The following CDK14 variants were observed in gnomAD, a reference collection of about 807,000 sequenced individuals.
The protein encoded by CDK14 is cyclin dependent kinase 14.
A neutral mutation model predicts 60.7 loss-of-function variants in CDK14; 34 were observed. The ratio of observed to expected loss-of-function variants is 0.56; its 90% CI spans 0.43 to 0.75. The LOEUF (loss-of-function observed/expected upper bound fraction) is 0.75. Among genes scored for constraint, CDK14 ranks in the 30% least tolerant of loss-of-function variants. The probability of loss-of-function intolerance (pLI) is 0.00; values close to 1 mark genes in which losing one functional copy is unlikely to be tolerated. For missense variants in CDK14, 482 were observed against 564.1 expected (o/e 0.85, Z 1.47); for synonymous variants, 197 against 203.7 (o/e 0.97, Z 0.28).
At chr7:91,016,855 G>C (rs530931113) in intron 10 of CDK14, among the ~76,000 whole-genome samples, 1 of 152,074 alleles carries the variant, frequency 6.6e-6, no homozygotes, top group Non-Finnish European at 1.5e-5. Context: ...TAGTAACTTC[G>C]CATACACCAG....
At chr7:90,827,213 T>C (rs556492345) in intron 5 of CDK14, among the ~76,000 whole-genome samples, 101 of 152,338 alleles carry the variant, frequency 6.6e-4, no homozygotes, top group African/African-American at 2.3e-3. Flanking sequence ...GTATAGCCTT[T>C]TCCTATTGGC....
chr7:91,028,005 G>C (rs1303586163), intron 10 of CDK14, among the ~76,000 whole-genome samples: 5 of 123,614 alleles, frequency 4.0e-5, no homozygotes, highest in Non-Finnish European at 6.9e-5. Flanking sequence ...ATAGTGTGCA[G>C]TGTATCCAAT....
At chr7:90,898,063 C>G (rs1249672098) in intron 6 of CDK14, among the ~76,000 whole-genome samples, 1 of 152,068 alleles carries the variant, frequency 6.6e-6, no homozygotes, top group Non-Finnish European at 1.5e-5. Context: ...TCATTCTCTA[C>G]TCATGTCTTA....
intron 8 of CDK14, among the ~76,000 whole-genome samples, chr7:90,925,719 A>G (rs1380564176): frequency 6.6e-6 from 1 of 151,120 alleles, no homozygotes; most frequent in Non-Finnish European, 1.5e-5. Context: ...AAAATAAATA[A>G]ATAATGACAT....
rs1203894333 is a variant in CDK14 at position 90,651,960 on chromosome 7, A to C, written c.123+47711A>C. 8.5e-5 allele frequency among the ~76,000 whole-genome samples: 13 copies of C among 152,124 alleles called. 1 individual carries two copies. The highest frequency in any genetic ancestry group is 8.5e-4 in the Admixed American group (13 of 15,274). Reference sequence around the variant, plus strand: ...GCATACACTGTATAATTTTGGCTTTACCAGTTCCTGCTTGCCTGAGTGCCT... The same window carrying C: ...GCATACACTGTATAATTTTGGCTTTCCCAGTTCCTGCTTGCCTGAGTGCCT... On this transcript the variant is annotated intron_variant, in intron 2 of 14. Transcript: ENST00000380050.
At position 90,649,248 on chromosome 7, in the gene CDK14, C is replaced by CTTTCTTTCTTTCTTTGTTTCTTTG. The variant is rs1563029615; in HGVS notation, c.123+45014_123+45015insGTTTCTTTGTTTCTTTCTTTCTTT. ...GCTCTAGCCTATAGTTTCTTTCTTT[C>CTTTCTTTCTTTCTTTGTTTCTTTG]TTTCTTTCTTTCTTTCTTTCTTTCT... On this transcript the variant is annotated intron_variant, in intron 2 of 14. Coordinates refer to ENST00000380050, the MANE Select transcript of CDK14 (RefSeq NM_001287135.2). 1.6e-3 allele frequency among the ~76,000 whole-genome samples: 40 copies of CTTTCTTTCTTTCTTTGTTTCTTTG among 25,176 alleles called. 1 individual carries two copies. Among genetic ancestry groups the CTTTCTTTCTTTCTTTGTTTCTTTG allele is most frequent in the South Asian group, 5.6e-3 (4 of 708 alleles). 16.5% of individuals were successfully genotyped at this position (25,176 alleles called of 152,430 possible). A position where few individuals can be genotyped will look rare whatever the true frequency, so the allele number is the denominator to read the frequency against.
intron 7 of CDK14, among the ~76,000 whole-genome samples, chr7:90,913,467 C>T (rs1427627440): frequency 6.6e-6 from 1 of 152,154 alleles, no homozygotes; most frequent in Non-Finnish European, 1.5e-5. Flanking sequence ...TGAGAAAAGG[C>T]ACAAACTTAT....
chr7:91,073,416 A>C (rs1294324243), intron 11 of CDK14, among the ~76,000 whole-genome samples: 1 of 152,214 alleles, frequency 6.6e-6, no homozygotes, highest in African/African-American at 2.4e-5. Flanking sequence ...TTCATAAATG[A>C]AGGAGAAATA....
At chr7:90,605,905 G>A (rs6978099) in intron 2 of CDK14, among the ~76,000 whole-genome samples, 144,129 of 152,262 alleles carry the variant, frequency 0.95, 68,252 homozygotes, top group East Asian at 1. Flanking sequence ...GCTTTAAAAA[G>A]CACCTGAGGC....
At chr7:90,714,252 C>A (rs1262977815) in intron 2 of CDK14, among the ~76,000 whole-genome samples, 1 of 152,016 alleles carries the variant, frequency 6.6e-6, no homozygotes, top group Non-Finnish European at 1.5e-5. Flanking sequence ...CACATTTGCC[C>A]CAGCAGCTTA....
chr7:91,103,000 TC>T (rs1799187456), intron 12 of CDK14, among the ~76,000 whole-genome samples: 1 of 152,164 alleles, frequency 6.6e-6, no homozygotes, highest in Admixed American at 6.5e-5. Context: ...ACACCTATAA[TC>T]CCAGCACTTT....
chr7:90,970,352 T>C lies in CDK14; in HGVS notation c.948-13796T>C, dbSNP rs114943065. On this transcript the variant is annotated intron_variant, in intron 9 of 14. Coordinates refer to ENST00000380050, the MANE Select transcript of CDK14 (RefSeq NM_001287135.2). ...GTAGACTTCAATTTTATAGGATAGT[T>C]TTACTGTGTTCTTTGCCAAAGCCTC... 3.1e-3 allele frequency among the ~76,000 whole-genome samples: 476 copies of C among 152,310 alleles called. 5 individuals are homozygous for C. Among genetic ancestry groups the C allele is most frequent in the African/African-American group, 0.011 (459 of 41,580 alleles).
intron 6 of CDK14, among the ~76,000 whole-genome samples, chr7:90,863,859 CAT>C (rs1791091293): frequency 6.6e-6 from 1 of 152,064 alleles, no homozygotes; most frequent in Non-Finnish European, 1.5e-5. Context: ...GACTTGAACT[CAT>C]AATTAATTCT....
intron 2 of CDK14, among the ~76,000 whole-genome samples, chr7:90,658,160 A>G (rs1800788678): frequency 6.6e-6 from 1 of 152,202 alleles, no homozygotes; most frequent in Non-Finnish European, 1.5e-5. Context: ...AGATTTCTCT[A>G]TTCCAGAGAT....
At chr7:91,044,718 C>T (rs1252490859) in intron 10 of CDK14, among the ~76,000 whole-genome samples, 1 of 152,136 alleles carries the variant, frequency 6.6e-6, no homozygotes, top group Non-Finnish European at 1.5e-5. Flanking sequence ...TTCTCCTCTG[C>T]TGGTTTCCAG....
chr7:91,023,142 G>A (rs964168829), intron 10 of CDK14, among the ~76,000 whole-genome samples: 6 of 152,104 alleles, frequency 3.9e-5, no homozygotes, highest in African/African-American at 9.7e-5. Flanking sequence ...CCACCATGAT[G>A]ATGTATTTTT....
chr7:91,174,123 C>A (rs1350769444), intron 14 of CDK14, among the ~76,000 whole-genome samples: 2 of 151,840 alleles, frequency 1.3e-5, no homozygotes, highest in Admixed American at 6.6e-5. Flanking sequence ...AACGGGCAGA[C>A]TGCCTCCTCA....
At chr7:91,142,047 A>G (rs1445946876) in intron 14 of CDK14, among the ~76,000 whole-genome samples, 1 of 151,964 alleles carries the variant, frequency 6.6e-6, no homozygotes, top group Non-Finnish European at 1.5e-5. Context: ...GACGGTCTCA[A>G]TCTCCTGACC....
At chr7:90,649,513 A>G (rs1273112227) in intron 2 of CDK14, among the ~76,000 whole-genome samples, 1 of 144,858 alleles carries the variant, frequency 6.9e-6, no homozygotes, top group Non-Finnish European at 1.5e-5. Context: ...CACAACATGC[A>G]GGTTTGTTAC....
Sources: gnomAD v4.1 joint callset for allele counts (sites outside exome capture counted in the v4.1 genomes callset) on GRCh38, gnomAD v4.1.1 for gene constraint, MANE v1.5 for transcripts, NCBI Gene and HGNC (gene_info 2026-07-23, HGNC 2026-07-21) for gene names.